RARB: variants seen among roughly 807,000 people sequenced by gnomAD.
RARB encodes the protein retinoic acid receptor beta, also known as HBV-activated protein.
RARB carries 17 observed loss-of-function variants against 51.9 expected under a neutral mutation model. The ratio of observed to expected loss-of-function variants is 0.33; its 90% confidence interval spans 0.22 to 0.49. The LOEUF (loss-of-function observed/expected upper bound fraction) is 0.49. Among genes scored for constraint, RARB ranks in the 20% least tolerant of loss-of-function variants. The pLI is 0.99. For missense variants in RARB, 369 were observed against 550.8 expected (o/e 0.67, Z 3.30); for synonymous variants, 215 against 195.4 (o/e 1.10, Z -0.84).
chr3:25,137,767 G>A (rs968371047), intron 4 of RARB, among the ~76,000 whole-genome samples: 7 of 152,024 alleles, frequency 4.6e-5, no homozygotes, highest in Non-Finnish European at 1.0e-4. Flanking sequence ...AGGTCCCATT[G>A]GCATTCTATA....
chr3:25,414,615 G>T (rs1707652826), intron 5 of RARB, among the ~76,000 whole-genome samples: 1 of 152,070 alleles, frequency 6.6e-6, no homozygotes, highest in Admixed American at 6.6e-5. Flanking sequence ...GGTATGTAGT[G>T]GTGTCTTATT....
In RARB at chr3:25,330,669, AC is replaced by A. The variant is rs528671214; in HGVS notation, c.179-130522del. On this transcript the variant is annotated intron_variant, in intron 5 of 11. Coordinates refer to the RARB transcript ENST00000383772. ...ATCAGATTCACACATAACAATACTAACCTTAAATGTAAATGGGTTAAATGCT... is the reference window on the plus strand; with the variant it reads ...ATCAGATTCACACATAACAATACTAACTTAAATGTAAATGGGTTAAATGCT... Among the ~76,000 whole-genome samples, 614 of 152,282 alleles carry A rather than the reference AC, an allele frequency of 4.0e-3. 3 individuals are homozygous for A. Among genetic ancestry groups the A allele is most frequent in the African/African-American group, 0.014 (585 of 41,538 alleles).
At chr3:25,039,461 A>G (rs1280695350) in intron 2 of RARB, among the ~76,000 whole-genome samples, 1 of 152,216 alleles carries the variant, frequency 6.6e-6, no homozygotes, top group Non-Finnish European at 1.5e-5. Flanking sequence ...TAATTCAACA[A>G]ATACTTAAGT....
intron 2 of RARB, among the ~76,000 whole-genome samples, chr3:24,968,416 C>T (rs963939704): frequency 6.6e-6 from 1 of 152,056 alleles, no homozygotes; most frequent in Non-Finnish European, 1.5e-5. Flanking sequence ...GTTAACTTTG[C>T]CATGTAATAA....
intron 3 of RARB, among the ~76,000 whole-genome samples, chr3:25,556,552 T>C (rs1314740235): frequency 6.6e-6 from 1 of 152,218 alleles, no homozygotes; most frequent in Admixed American, 6.5e-5. Flanking sequence ...GAGCCATATA[T>C]AGCTTTGGAA....
At position 25,178,299 on chromosome 3, in the gene RARB, GA is replaced by G. The variant is rs201392750; in HGVS notation, c.178+3730del. On this transcript the variant is annotated intron_variant, in intron 5 of 11. Transcript: ENST00000383772. Reference sequence around the variant, plus strand: ...TAAGCTTAGAACACAGGGAACATACGAAAAAAGGGGGAGTTAAAATATGTAA... The same window carrying G: ...TAAGCTTAGAACACAGGGAACATACGAAAAAGGGGGAGTTAAAATATGTAA... Among the ~76,000 whole-genome samples, 348 of 151,414 alleles carry G rather than the reference GA, an allele frequency of 2.3e-3. 1 individual carries two copies. The highest frequency in any genetic ancestry group is 0.021 in the East Asian group (106 of 5,140).
chr3:25,099,763 C>T (rs986672735), intron 3 of RARB, among the ~76,000 whole-genome samples: 11 of 152,074 alleles, frequency 7.2e-5, no homozygotes, highest in African/African-American at 1.2e-4. Context: ...TTCCGAGTCT[C>T]GGCAATCATA....
At chr3:25,172,750 A>G (rs1700668772) in intron 4 of RARB, among the ~76,000 whole-genome samples, 1 of 152,204 alleles carries the variant, frequency 6.6e-6, no homozygotes, top group Non-Finnish European at 1.5e-5. Flanking sequence ...GTGATAACAA[A>G]TATGTTAATG....
intron 5 of RARB, among the ~76,000 whole-genome samples, chr3:25,247,681 C>T (rs113931895): frequency 0.043 from 6,511 of 152,320 alleles, 283 homozygotes; most frequent in African/African-American, 0.11. Flanking sequence ...ATGACATGAA[C>T]CAGGTACCTC....
intron 5 of RARB, among the ~76,000 whole-genome samples, chr3:25,220,451 G>A (rs1189779208): frequency 6.6e-6 from 1 of 152,156 alleles, no homozygotes; most frequent in Non-Finnish European, 1.5e-5. Flanking sequence ...TAACTTGCAT[G>A]GTTAGGCTTT....
chr3:24,931,188 G>A (rs571944350), intron 2 of RARB, among the ~76,000 whole-genome samples: 11 of 151,978 alleles, frequency 7.2e-5, no homozygotes, highest in Admixed American at 4.6e-4. Flanking sequence ...GAGAGCCATT[G>A]GTTCATATTA....
chr3:25,168,220 C>A (rs1394713227), intron 4 of RARB, among the ~76,000 whole-genome samples: 1 of 151,532 alleles, frequency 6.6e-6, no homozygotes, highest in Non-Finnish European at 1.5e-5. Context: ...TTTTTTTTGT[C>A]TTTTTCTTTT....
chr3:25,108,708 C>A (rs568020956), intron 3 of RARB, among the ~76,000 whole-genome samples: 2 of 152,150 alleles, frequency 1.3e-5, no homozygotes, highest in East Asian at 1.9e-4. Context: ...TTTGACAATT[C>A]CAAAGCTATT....
intron 5 of RARB, among the ~76,000 whole-genome samples, chr3:25,233,032 G>T (rs1038218884): frequency 7.1e-6 from 1 of 141,410 alleles, no homozygotes; most frequent in African/African-American, 2.7e-5. Flanking sequence ...CTGGAGTGCA[G>T]TGGTGCAATC....
intron 3 of RARB, among the ~76,000 whole-genome samples, chr3:25,127,589 T>C (rs969233736): frequency 1.3e-5 from 2 of 152,082 alleles, no homozygotes; most frequent in Non-Finnish European, 2.9e-5. Context: ...CACACTAGGT[T>C]ATAAGCTCCA....
chr3:25,488,852 G>T (rs1335504987), intron 2 of RARB, among the ~76,000 whole-genome samples: 1 of 152,218 alleles, frequency 6.6e-6, no homozygotes, highest in African/African-American at 2.4e-5. Flanking sequence ...CCATTAGGCT[G>T]CCTTTAATTG....
intron 3 of RARB, among the ~76,000 whole-genome samples, chr3:25,085,526 A>G (rs1013542831): frequency 4.6e-5 from 7 of 151,854 alleles, no homozygotes; most frequent in Non-Finnish European, 1.0e-4. Flanking sequence ...TGTTTTTCTT[A>G]CTCTAGGCTC....
chr3:24,963,463 C>A (rs886944162), intron 2 of RARB, among the ~76,000 whole-genome samples: 17 of 148,494 alleles, frequency 1.1e-4, no homozygotes, highest in Middle Eastern at 3.4e-3. Flanking sequence ...CCTTCTCATG[C>A]TTGCTTTGGT....
intron 3 of RARB, among the ~76,000 whole-genome samples, chr3:25,120,824 G>A (rs978702810): frequency 3.9e-5 from 6 of 152,056 alleles, no homozygotes; most frequent in African/African-American, 1.4e-4. Flanking sequence ...CCCTTTGGCC[G>A]AATCTAGCTG....
Sources: gnomAD v4.1 joint callset for allele counts (sites outside exome capture counted in the v4.1 genomes callset) on GRCh38, gnomAD v4.1.1 for gene constraint, MANE v1.5 for transcripts, NCBI Gene and HGNC (gene_info 2026-07-23, HGNC 2026-07-21) for gene names.